Variants in RBFOX2 observed in about 807,000 individuals in gnomAD.
The protein encoded by RBFOX2 is RNA binding protein fox-1 homolog 2.
Under a neutral mutation model 49.1 loss-of-function variants are expected in RBFOX2, and 10 were observed. The observed-to-expected ratio is 0.20, with a 90% CI of 0.13 to 0.35. The LOEUF (loss-of-function observed/expected upper bound fraction) is 0.35, where lower values mean the gene tolerates loss of function less well. Ranked by LOEUF, RBFOX2 falls within the 10% of genes least tolerant of loss-of-function variation. RBFOX2 has a pLI of 1.00. For missense variants in RBFOX2, 323 were observed against 486.9 expected (o/e 0.66, Z 3.17); for synonymous variants, 183 against 187.4 (o/e 0.98, Z 0.19).
chr22:35,867,071 C>T (rs576848736), intron 1 of RBFOX2, among the ~76,000 whole-genome samples: 13 of 148,814 alleles, frequency 8.7e-5, no homozygotes, highest in African/African-American at 3.1e-4. Flanking sequence ...TTTATATGCA[C>T]ACACATGCAC....
chr22:35,827,101 A>G (rs1955921957), intron 1 of RBFOX2, among the ~76,000 whole-genome samples: 1 of 152,210 alleles, frequency 6.6e-6, no homozygotes, highest in Non-Finnish European at 1.5e-5. Context: ...TAGTTCTACA[A>G]TGTGTTGCCA....
At chr22:36,015,655 T>C (rs1048862779) in intron 1 of RBFOX2, among the ~76,000 whole-genome samples, 2 of 152,222 alleles carry the variant, frequency 1.3e-5, no homozygotes, top group Non-Finnish European at 2.9e-5. Flanking sequence ...AAGCCACATA[T>C]TCAGACTAAT....
chr22:35,776,021 C>T (rs1461220806), intron 4 of RBFOX2, among the ~76,000 whole-genome samples: 1 of 151,992 alleles, frequency 6.6e-6, no homozygotes, highest in Non-Finnish European at 1.5e-5. Context: ...CTACATTGGC[C>T]TTCTAGTTGT....
intron 1 of RBFOX2, among the ~76,000 whole-genome samples, chr22:35,857,629 T>C (rs1308887593): frequency 2.6e-5 from 4 of 151,962 alleles, no homozygotes; most frequent in Non-Finnish European, 5.9e-5. Flanking sequence ...AAAGGAGAAA[T>C]AGCCATGGCC....
intron 1 of RBFOX2, among the ~76,000 whole-genome samples, chr22:35,867,340 T>C (rs1447129460): frequency 6.6e-6 from 1 of 152,204 alleles, no homozygotes; most frequent in Non-Finnish European, 1.5e-5. Flanking sequence ...AAATCCAGAA[T>C]AATATGAGTA....
intron 1 of RBFOX2, among the ~76,000 whole-genome samples, chr22:35,909,761 G>T (rs1277480260): frequency 2.6e-5 from 4 of 152,152 alleles, no homozygotes; most frequent in Non-Finnish European, 5.9e-5. Context: ...ACAGGCACAA[G>T]CCACCATGCC....
At chr22:36,017,086 A>G (rs2059064728) in intron 1 of RBFOX2, among the ~76,000 whole-genome samples, 1 of 152,250 alleles carries the variant, frequency 6.6e-6, no homozygotes, top group Non-Finnish European at 1.5e-5. Flanking sequence ...GAGAATTCTT[A>G]TAAAATACTT....
upstream of RBFOX2, among the ~76,000 whole-genome samples, chr22:35,842,398 T>C (rs951287524): frequency 6.6e-6 from 1 of 152,178 alleles, no homozygotes; most frequent in African/African-American, 2.4e-5. Context: ...ACAGAATATA[T>C]AGTACTCTCT....
chr22:35,946,815 C>T (rs1182522911), intron 1 of RBFOX2, among the ~76,000 whole-genome samples: 1 of 152,172 alleles, frequency 6.6e-6, no homozygotes, highest in Non-Finnish European at 1.5e-5. Flanking sequence ...GAAACTCTGC[C>T]TTTTGTGACA....
chr22:35,878,036 TACTACACACACAC>T (rs1460008780), intron 1 of RBFOX2, among the ~76,000 whole-genome samples: 29 of 109,326 alleles, frequency 2.7e-4, no homozygotes, highest in African/African-American at 1.1e-3. Context: ...CTACTACTAC[TACTACACACACAC>T]ACACACACAC....
In RBFOX2 at chr22:35,845,670, T is replaced by C. The variant is rs150751721; in HGVS notation, c.-33-35666A>G. 3.7e-3 allele frequency among the ~76,000 whole-genome samples: 561 copies of C among 152,292 alleles called. 4 individuals carry two copies. Among genetic ancestry groups the C allele is most frequent in the African/African-American group, 0.013 (541 of 41,554 alleles). On this transcript the variant is annotated intron_variant, in intron 1 of 13. Transcript: ENST00000359369. ...ACATACAACTGAAATTATGTGTACA[T>C]TGTACACATCCCTGTGAGGGATTAA... is the stretch of plus-strand genomic sequence containing the variant.
intron 1 of RBFOX2, among the ~76,000 whole-genome samples, chr22:36,001,015 C>T (rs2058392938): frequency 6.6e-6 from 1 of 152,024 alleles, no homozygotes; most frequent in Non-Finnish European, 1.5e-5. Flanking sequence ...TAAATGATAG[C>T]ATCAAAACTA....
intron 1 of RBFOX2, among the ~76,000 whole-genome samples, chr22:35,856,706 G>GAT (rs1308610735): frequency 6.6e-6 from 1 of 151,718 alleles, no homozygotes; most frequent in African/African-American, 2.4e-5. Context: ...GGAGGAGGAA[G>GAT]ATATATATGC....
intron 1 of RBFOX2, among the ~76,000 whole-genome samples, chr22:35,956,002 G>A (rs2055510563): frequency 6.6e-6 from 1 of 152,162 alleles, no homozygotes; most frequent in African/African-American, 2.4e-5. Context: ...TGTGGCATGT[G>A]AAACCTTATC....
At chr22:35,789,254 G>GACCGT (rs1411507248) in intron 2 of RBFOX2, among the ~76,000 whole-genome samples, 1 of 152,114 alleles carries the variant, frequency 6.6e-6, no homozygotes, top group Non-Finnish European at 1.5e-5. Context: ...GTGGATAAGA[G>GACCGT]ACCGTAGGCC....
upstream of RBFOX2, among the ~76,000 whole-genome samples, chr22:35,962,908 T>A (rs921004383): frequency 6.6e-6 from 1 of 151,604 alleles, no homozygotes; most frequent in Non-Finnish European, 1.5e-5. Flanking sequence ...GGACAAAGTA[T>A]CAATTGTGAC....
At chr22:36,009,743 G>C (rs2058744344) in intron 1 of RBFOX2, among the ~76,000 whole-genome samples, 1 of 152,142 alleles carries the variant, frequency 6.6e-6, no homozygotes, top group African/African-American at 2.4e-5. Flanking sequence ...TGCTCAGACA[G>C]AGGTATTCAC....
intron 9 of RBFOX2, among the ~76,000 whole-genome samples, chr22:35,752,094 G>A (rs1053448219): frequency 6.6e-6 from 1 of 152,224 alleles, no homozygotes; most frequent in African/African-American, 2.4e-5. Flanking sequence ...CTCAATGTTT[G>A]AGTCCCATAT....
chr22:35,849,294 C>T (rs9610359), intron 1 of RBFOX2, among the ~76,000 whole-genome samples: 76 of 116,636 alleles, frequency 6.5e-4, no homozygotes, highest in African/African-American at 4.3e-3. Context: ...CACATACACA[C>T]ACAAACACAC....
Sources: allele counts gnomAD v4.1 joint callset (sites outside exome capture counted in the v4.1 genomes callset), GRCh38; gene constraint gnomAD v4.1.1; transcripts MANE v1.5; gene names NCBI Gene and HGNC (gene_info 2026-07-23, HGNC 2026-07-21).